MYH15: variants seen among roughly 807,000 people sequenced by gnomAD.
MYH15 encodes the protein myosin-15.
In MYH15, 227 loss-of-function variants were observed where a neutral mutation model predicts 240.5. The observed-to-expected ratio is 0.94, with a 90% CI of 0.85 to 1.05. The LOEUF (loss-of-function observed/expected upper bound fraction) is 1.05, where lower values mean the gene tolerates loss of function less well. Ranked by LOEUF, MYH15 falls within the 50% of genes least tolerant of loss-of-function variation. MYH15 has a pLI of 0.00. For synonymous variants in MYH15, 785 were observed against 796.7 expected (o/e 0.99, Z 0.25); for missense variants, 2,217 against 2,247.5 (o/e 0.99, Z 0.27).
intron 39 of MYH15, 27 bp from the exon 40 acceptor site, chr3:108,383,756 A>G: frequency 6.9e-7 from 1 of 1,458,596 alleles, no homozygotes; most frequent in Non-Finnish European, 9.2e-7. Context: ...AAAAAAAAAG[A>G]AATCTCCATG....
intron 26 of MYH15, 67 bp downstream of exon 26, chr3:108,430,765 A>G: frequency 7.9e-7 from 1 of 1,258,524 alleles, no homozygotes; most frequent in Non-Finnish European, 1.1e-6. Flanking sequence ...AGAATTAGTC[A>G]TTGAACCACC....
At chr3:108,544,022 C>T in the MYH15 span, 1 of 152,188 alleles carries the variant, frequency 6.6e-6, no homozygotes, top group Non-Finnish European at 1.5e-5. Flanking sequence ...ATAAGTTGAT[C>T]CATACTTCAA....
chr3:108,398,425 G>A (rs147884251), intron 35 of MYH15, among the ~76,000 whole-genome samples: 22 of 152,334 alleles, frequency 1.4e-4, no homozygotes, highest in Admixed American at 1.4e-3. Context: ...AACTTCCGTT[G>A]CTTTACGCCA....
intron 27 of MYH15, among the ~76,000 whole-genome samples, chr3:108,421,547 C>T (rs2082684663): frequency 6.6e-6 from 1 of 152,180 alleles, no homozygotes; most frequent in Admixed American, 6.5e-5. Context: ...TCTGACAGTA[C>T]ATATTTAACT....
At chr3:108,387,040 T>G (rs1300326088) in intron 38 of MYH15, among the ~76,000 whole-genome samples, 3 of 152,124 alleles carry the variant, frequency 2.0e-5, no homozygotes, top group Non-Finnish European at 4.4e-5. Flanking sequence ...TAAGGGGATA[T>G]AAAGGAGAAG....
chr3:108,468,613 G>T lies in MYH15; in HGVS notation c.1554+1429C>A, dbSNP rs575390859. Among the ~76,000 whole-genome samples the T allele has an allele frequency of 3.9e-5, 6 of 152,178 alleles. No individual in the cohort carries two copies. In the South Asian group the frequency reaches 1.2e-3, roughly 32 times the overall value. ...GACTTATCTTTTCCTTTTATCATTT[G>T]GTCAGTAATTTTTTCTCATTTTATT... On this transcript the variant is annotated intron_variant, in intron 14 of 40. Transcript: ENST00000693548.
chr3:108,427,711 A>G (rs1380260753), intron 27 of MYH15, among the ~76,000 whole-genome samples: 1 of 152,040 alleles, frequency 6.6e-6, no homozygotes, highest in African/African-American at 2.4e-5. Context: ...AAAAGGAATT[A>G]ATATTAAATA....
In MYH15 at chr3:108,405,377, C is replaced by T. The variant is rs1194402426; in HGVS notation, c.4697G>A (p.Arg1566Lys). 2.6e-6 allele frequency: 4 copies of T among 1,514,888 alleles called. No homozygotes were observed. Among genetic ancestry groups the T allele is most frequent in the Non-Finnish European group, 2.7e-6 (3 of 1,116,530 alleles). 93.8% of individuals were successfully genotyped at this position (1,514,888 alleles called of 1,614,324 possible). A position where few individuals can be genotyped will look rare whatever the true frequency, so the allele number is the denominator to read the frequency against. The stretch of plus-strand genomic sequence containing the variant: ...TTCTTCATCTTTCTCTGAAAGCTTT[C>T]TTTCAAGTTCTGCTTTAGCTTCCAA... ...ELLEAKAELE[R>K]KLSEKDEEIE... is the part of the protein sequence containing the mutation. Residue 1566 changes from arginine to lysine, a missense_variant, in exon 33 of 41, where the codon AGA becomes AAA. Arg to Lys is a conservative substitution (Grantham distance 26). Transcript: ENST00000693548.
Position 108,428,810 on chromosome 3 carries a change from T to C in MYH15, c.3384A>G (p.Arg1128=). The change falls in exon 27 of 41, where the codon AGA becomes AGG. Residue 1128 remains arginine (R), a synonymous_variant. Transcript: ENST00000693548. ...CAGCCAGGTCTTGGGTGAGGTCAGC[T>C]CTCTCCCTTTCCATCTTGGCTCGAG... ...RTTRAKMERE[R]ADLTQDLADL... The C allele has an allele frequency of 6.2e-7, 1 of 1,614,050 alleles. No homozygotes were observed. Among genetic ancestry groups the C allele is most frequent in the Non-Finnish European group, 8.5e-7 (1 of 1,179,978 alleles).
chr3:108,391,632 T>A (rs568630947), intron 37 of MYH15, 128 bp downstream of exon 37: 1 of 987,134 alleles, frequency 1.0e-6, no homozygotes, highest in Non-Finnish European at 1.5e-6. Flanking sequence ...CTCTTAAATA[T>A]CTGAAAGTAC....
intron 5 of MYH15, 118 bp from the exon 6 acceptor site, chr3:108,498,263 G>C: frequency 1.2e-6 from 1 of 811,394 alleles, no homozygotes; most frequent in East Asian, 2.5e-5. Flanking sequence ...TAAAAGTAGA[G>C]CTTCAGATGG....
At chr3:108,395,225 C>T (rs2082451049) in intron 35 of MYH15, among the ~76,000 whole-genome samples, 1 of 152,168 alleles carries the variant, frequency 6.6e-6, no homozygotes, top group Non-Finnish European at 1.5e-5. Flanking sequence ...ACCGAGATTG[C>T]ACCATTGCAC....
chr3:108,480,561 G>A (rs1218010747), intron 11 of MYH15, among the ~76,000 whole-genome samples: 1 of 152,168 alleles, frequency 6.6e-6, no homozygotes, highest in Non-Finnish European at 1.5e-5. Context: ...GACCAGAGTA[G>A]GAAGTTTTAA....
intron 9 of MYH15, among the ~76,000 whole-genome samples, chr3:108,491,485 A>G (rs529030502): frequency 3.9e-5 from 6 of 152,106 alleles, no homozygotes; most frequent in African/African-American, 1.4e-4. Context: ...TCTTACATTC[A>G]GTCTCTACCA....
At chr3:108,415,129 C>T (rs1319742038) in intron 29 of MYH15, among the ~76,000 whole-genome samples, 2 of 152,102 alleles carry the variant, frequency 1.3e-5, no homozygotes, top group Non-Finnish European at 1.5e-5. Flanking sequence ...GACGGCCCTG[C>T]TGGGTTTAAT....
intron 14 of MYH15, among the ~76,000 whole-genome samples, chr3:108,469,476 A>G (rs981955127): frequency 6.6e-6 from 1 of 152,202 alleles, no homozygotes; most frequent in African/African-American, 2.4e-5. Context: ...TTGGGACATC[A>G]CCAAATTCAG....
chr3:108,443,126 A>G (rs9846733), intron 22 of MYH15, among the ~76,000 whole-genome samples: 152,117 of 152,314 alleles, frequency 1, 75,960 homozygotes, highest in Middle Eastern at 1. Context: ...TATTCCCTAA[A>G]CCAAAATATT....
At chr3:108,502,507 T>G (rs1230035228) in intron 2 of MYH15, among the ~76,000 whole-genome samples, 5 of 152,220 alleles carry the variant, frequency 3.3e-5, no homozygotes, top group Non-Finnish European at 5.9e-5. Flanking sequence ...TGTTCATTTT[T>G]GATGTTGTTG....
intron 7 of MYH15, 127 bp from the exon 8 acceptor site, chr3:108,493,304 CAAA>C: frequency 1.3e-5 from 6 of 466,064 alleles, no homozygotes; most frequent in South Asian, 3.7e-5. Context: ...AAAAAACAAA[CAAA>C]AAAAAAAAAG....
Sources: allele counts gnomAD v4.1 joint callset (sites outside exome capture counted in the v4.1 genomes callset), GRCh38; gene constraint gnomAD v4.1.1; transcripts MANE v1.5; gene names NCBI Gene and HGNC (gene_info 2026-07-23, HGNC 2026-07-21).